JAM3: variants seen among roughly 807,000 people sequenced by gnomAD.
JAM3 encodes junctional adhesion molecule 3.
A neutral mutation model predicts 39.4 loss-of-function variants in JAM3; 31 were observed. The observed-to-expected ratio is 0.79, with a 90% CI of 0.59 to 1.06. The LOEUF (loss-of-function observed/expected upper bound fraction) is 1.06, where lower values mean the gene tolerates loss of function less well. JAM3 is among the 50% of genes least tolerant of loss of function. The pLI is 0.00. For missense variants in JAM3, 455 were observed against 391.4 expected (o/e 1.16, Z -1.37); for synonymous variants, 182 against 148.7 (o/e 1.22, Z -1.63).
chr11:134,148,505 A>G, intron 6 of JAM3, 42 bp from the exon 7 acceptor site: 9 of 1,613,444 alleles, frequency 5.6e-6, no homozygotes, highest in Non-Finnish European at 6.8e-6. Flanking sequence ...TAAATAACAG[A>G]TAGTGTGTAT....
chr11:134,096,966 C>G (rs569970538), intron 1 of JAM3, among the ~76,000 whole-genome samples: 1 of 152,048 alleles, frequency 6.6e-6, no homozygotes, highest in Non-Finnish European at 1.5e-5. Context: ...ACATGTGGCA[C>G]TTTGTAGAAC....
In JAM3 at chr11:134,145,928, T is replaced by A. The variant is rs762642857; in HGVS notation, c.613-18T>A. Reference sequence around the variant, plus strand: ...CCCATGATGGGTCCGATTATTTACTTGTCATTCCCTGAAACAGGTGTTCAC... The same window carrying A: ...CCCATGATGGGTCCGATTATTTACTAGTCATTCCCTGAAACAGGTGTTCAC... On this transcript the variant is annotated intron_variant, in intron 5 of 8. Transcript: ENST00000299106. 1 of 1,569,158 alleles carries A rather than the reference T, an allele frequency of 6.4e-7. No homozygotes were observed. Among genetic ancestry groups the A allele is most frequent in the Non-Finnish European group, 8.8e-7 (1 of 1,139,128 alleles).
chr11:134,140,644 C>T lies in JAM3; in HGVS notation c.143-13C>T, dbSNP rs759242706. 1 of 1,606,926 alleles carries T rather than the reference C, an allele frequency of 6.2e-7. No homozygotes were observed. The highest frequency in any genetic ancestry group is 8.5e-7 in the Non-Finnish European group (1 of 1,173,620). On this transcript the variant is annotated splice_polypyrimidine_tract_variant and intron_variant, in intron 2 of 8. Coordinates refer to ENST00000299106, the MANE Select transcript of JAM3 (RefSeq NM_032801.5). ...ACATTCACCGAGAGCTCTTTTTCTT[C>T]TTTGCGTGTTAGGTGTGGAACTGTC... is the stretch of plus-strand genomic sequence containing the variant.
chr11:134,089,896 A>G (rs1037920685), intron 1 of JAM3, among the ~76,000 whole-genome samples: 2 of 152,182 alleles, frequency 1.3e-5, no homozygotes, highest in Non-Finnish European at 2.9e-5. Context: ...TGACTTCCAC[A>G]ATGATTGAAC....
chr11:134,089,836 G>T (rs1212756987), intron 1 of JAM3, among the ~76,000 whole-genome samples: 1 of 152,120 alleles, frequency 6.6e-6, no homozygotes, highest in Non-Finnish European at 1.5e-5. Flanking sequence ...TAATGGGATG[G>T]CTGGGTCAAA....
intron 3 of JAM3, among the ~76,000 whole-genome samples, chr11:134,143,260 TGTTAA>T (rs1195386457): frequency 6.6e-6 from 1 of 152,214 alleles, no homozygotes; most frequent in Non-Finnish European, 1.5e-5. Context: ...TTGTCTGACT[TGTTAA>T]GTTCTAGCCA....
intron 1 of JAM3, among the ~76,000 whole-genome samples, chr11:134,132,116 A>G (rs78993588): frequency 0.029 from 4,395 of 152,286 alleles, 223 homozygotes; most frequent in African/African-American, 0.099. Flanking sequence ...AGAATCAACC[A>G]AAGAGACTCA....
At chr11:134,096,340 G>A (rs902118981) in intron 1 of JAM3, among the ~76,000 whole-genome samples, 1 of 152,136 alleles carries the variant, frequency 6.6e-6, no homozygotes, top group Non-Finnish European at 1.5e-5. Context: ...ATAGGTAAGG[G>A]TTTGGATTCT....
intron 1 of JAM3, among the ~76,000 whole-genome samples, chr11:134,130,355 C>G (rs1942745848): frequency 6.6e-6 from 1 of 152,124 alleles, no homozygotes; most frequent in Admixed American, 6.5e-5. Flanking sequence ...GTCTTTTTCC[C>G]CTACTTAAAA....
chr11:134,113,785 T>C (rs71486987), intron 1 of JAM3, among the ~76,000 whole-genome samples: 4,775 of 152,320 alleles, frequency 0.031, 109 homozygotes, highest in Non-Finnish European at 0.049. Context: ...TCCACAACGG[T>C]TGAACTAGTT....
rs377730933 is a variant in JAM3 at position 134,069,157 on chromosome 11, G to A, written c.74G>A (p.Arg25Lys). ...GACTTCTTCCTGCTGCTGCTTTTCA[G>A]GGGTGAGTTTGCGCGTTTCCGCTGT... ...LPDFFLLLLF[R>K]GCLIGAVNLK... Residue 25 changes from arginine to lysine, a missense_variant and splice_region_variant, in exon 1 of 9, where the codon AGG (arginine) becomes AAG (lysine). By Grantham distance (26) the Arg-to-Lys change is conservative. Transcript: ENST00000299106. 3.1e-6 allele frequency: 5 copies of A among 1,612,714 alleles called. No individual in the cohort carries two copies. In the African/African-American group the frequency reaches 4.0e-5, roughly 13 times the overall value.
At chr11:134,136,224 TTAAA>T (rs1942863602) in intron 1 of JAM3, among the ~76,000 whole-genome samples, 2 of 152,232 alleles carry the variant, frequency 1.3e-5, no homozygotes, top group African/African-American at 2.4e-5. Flanking sequence ...TTCCTCACTC[TTAAA>T]TAATGTAACT....
intron 1 of JAM3, among the ~76,000 whole-genome samples, chr11:134,106,002 A>G (rs1942177970): frequency 6.6e-6 from 1 of 152,232 alleles, no homozygotes; most frequent in Admixed American, 6.5e-5. Context: ...AAACTACTTT[A>G]AAGTTCCTAT....
At chr11:134,114,934 G>A (rs188189762) in intron 1 of JAM3, among the ~76,000 whole-genome samples, 17 of 152,312 alleles carry the variant, frequency 1.1e-4, no homozygotes, top group Middle Eastern at 3.4e-3. Flanking sequence ...ATTGAGAGTA[G>A]TGTTGAAATC....
At chr11:134,101,687 C>T (rs189525064) in intron 1 of JAM3, among the ~76,000 whole-genome samples, 53 of 152,282 alleles carry the variant, frequency 3.5e-4, no homozygotes, top group Middle Eastern at 6.8e-3. Flanking sequence ...ATCTTAAAAA[C>T]AAATCTGATC....
At position 134,150,619 on chromosome 11, in the gene JAM3, C is replaced by T. The variant is rs552708784; in HGVS notation, c.*1438C>T. The T allele has an allele frequency of 5.3e-5, 8 of 152,026 alleles. No homozygotes were observed. In the East Asian group the frequency reaches 7.8e-4, roughly 15 times the overall value. 9.4% of individuals were successfully genotyped at this position (152,026 alleles called of 1,614,324 possible). A position where few individuals can be genotyped will look rare whatever the true frequency, so the allele number is the denominator to read the frequency against. ...CCTCTTTTTGGTTATGGATGGCTCA[C>T]AAAATAGGGCCCCCAATGCTATTTT... On this transcript the variant is annotated 3_prime_UTR_variant, in exon 9 of 9. Transcript: ENST00000299106.
rs985586838 is a variant in JAM3 at position 134,149,886 on chromosome 11, T to G, written c.*705T>G. The stretch of plus-strand genomic sequence containing the variant: ...GGCTAAGTCTGAAATGGTACTGAAA[T>G]ATGCTTTTCTATGGGTCTTGTTTAT... On this transcript the variant is annotated 3_prime_UTR_variant, in exon 9 of 9. Transcript: ENST00000299106. The G allele has an allele frequency of 4.3e-6, 1 of 232,078 alleles. No individual in the cohort carries two copies. The highest frequency in any genetic ancestry group is 8.8e-6 in the Non-Finnish European group (1 of 114,194). The allele number at this position is 232,078 out of a possible 1,614,324, so 14.4% of individuals were successfully genotyped here. A position where few individuals can be genotyped will look rare whatever the true frequency, so the allele number is the denominator to read the frequency against.
At chr11:134,092,831 G>C (rs1941895586) in intron 1 of JAM3, among the ~76,000 whole-genome samples, 5 of 118,424 alleles carry the variant, frequency 4.2e-5, no homozygotes, top group East Asian at 2.9e-4. Flanking sequence ...AGCTTCTCCT[G>C]AGCCCTCCTT....
intron 1 of JAM3, among the ~76,000 whole-genome samples, chr11:134,084,862 T>C (rs1399273773): frequency 1.3e-5 from 2 of 152,224 alleles, no homozygotes; most frequent in East Asian, 3.8e-4. Flanking sequence ...CTTCCCTCTG[T>C]CATACTTCTC....
Sources: gnomAD v4.1 joint callset for allele counts (sites outside exome capture counted in the v4.1 genomes callset) on GRCh38, gnomAD v4.1.1 for gene constraint, MANE v1.5 for transcripts, NCBI Gene and HGNC (gene_info 2026-07-23, HGNC 2026-07-21) for gene names.